CUL5: variants seen among roughly 807,000 people sequenced by gnomAD.
The protein encoded by CUL5 is cullin-5.
In CUL5, 26 loss-of-function variants were observed where a neutral mutation model predicts 108.8. The observed-to-expected ratio is 0.24, with a 90% CI of 0.18 to 0.33. CUL5 has a LOEUF of 0.33. Ranked by LOEUF, CUL5 falls within the 10% of genes least tolerant of loss-of-function variation. The pLI, the probability that CUL5 is intolerant of heterozygous loss-of-function variation, is 1.00. For synonymous variants in CUL5, 334 were observed against 298.0 expected (o/e 1.12, Z -1.25); for missense variants, 524 against 909.2 (o/e 0.58, Z 5.45).
In CUL5 at chr11:108,107,613, A is replaced by T. The variant is rs970896175; in HGVS notation, c.*3229A>T. On this transcript the variant is annotated 3_prime_UTR_variant, in exon 19 of 19. Coordinates refer to ENST00000393094, the MANE Select transcript of CUL5 (RefSeq NM_003478.6). ...TACGATTTTGAATGTGTGCCACTACATACTGAGATGATAATGCTGTACAAT... is the reference window on the plus strand; with the variant it reads ...TACGATTTTGAATGTGTGCCACTACTTACTGAGATGATAATGCTGTACAAT... 6.5e-6 allele frequency: 1 copy of T among 152,672 alleles called. No homozygotes were observed. Among genetic ancestry groups the T allele is most frequent in the Non-Finnish European group, 1.5e-5 (1 of 68,038 alleles). The allele number at this position is 152,672 out of a possible 1,614,324, so 9.5% of individuals were successfully genotyped here. A position where few individuals can be genotyped will look rare whatever the true frequency, so the allele number is the denominator to read the frequency against.
chr11:108,049,779 G>A lies in CUL5; in HGVS notation c.235-111G>A, dbSNP rs1309984633. 1.5e-5 allele frequency: 12 copies of A among 812,488 alleles called. No homozygotes were observed. In the Admixed American group the frequency reaches 2.7e-4, roughly 18 times the overall value. 50.3% of individuals were successfully genotyped at this position (812,488 alleles called of 1,614,324 possible). A position where few individuals can be genotyped will look rare whatever the true frequency, so the allele number is the denominator to read the frequency against. ...GTTTTAATTTCTTTTGGATATAAGA[G>A]CTTGTACAATAATTTAAAAATTATG... On this transcript the variant is annotated intron_variant, in intron 3 of 18. Coordinates refer to ENST00000393094, the MANE Select transcript of CUL5 (RefSeq NM_003478.6).
At chr11:108,015,412 A>C (rs78051861) in intron 1 of CUL5, among the ~76,000 whole-genome samples, 1 of 152,372 alleles carries the variant, frequency 6.6e-6, no homozygotes, top group African/African-American at 2.4e-5. Flanking sequence ...GTTAAGGTGC[A>C]TAACCAGAGA....
At chr11:108,050,357 T>C (rs1863182152) in intron 4 of CUL5, among the ~76,000 whole-genome samples, 1 of 152,006 alleles carries the variant, frequency 6.6e-6, no homozygotes, top group African/African-American at 2.4e-5. Context: ...ATTTCTCTAT[T>C]CTTTCTTTGT....
intron 5 of CUL5, among the ~76,000 whole-genome samples, chr11:108,053,363 A>C (rs1863285216): frequency 6.6e-6 from 1 of 152,210 alleles, no homozygotes; most frequent in Non-Finnish European, 1.5e-5. Context: ...TGAACATAGA[A>C]TGCATGGCAC....
In CUL5 at chr11:108,054,972, T is replaced by C. The variant is rs1359431923; in HGVS notation, c.780+17T>C. 2 of 1,525,268 alleles carry C rather than the reference T, an allele frequency of 1.3e-6. No individual in the cohort carries two copies. Among genetic ancestry groups the C allele is most frequent in the East Asian group, 2.3e-5 (1 of 44,136 alleles). 94.5% of individuals were successfully genotyped at this position (1,525,268 alleles called of 1,614,324 possible). ...GTTGAAGCAGTAAGTAATTTTGTAA[T>C]TGTACATTTTATGGGATTATTTGAA... On this transcript the variant is annotated intron_variant, in intron 7 of 18. Transcript: ENST00000393094.
intron 11 of CUL5, among the ~76,000 whole-genome samples, chr11:108,082,395 C>T (rs1446782119): frequency 6.6e-6 from 1 of 151,926 alleles, no homozygotes; most frequent in South Asian, 2.1e-4. Flanking sequence ...ATCCTCCCAC[C>T]TCAGCCACCT....
At position 108,047,571 on chromosome 11, in the gene CUL5, A is replaced by G. The variant is rs538677371; in HGVS notation, c.234+1202A>G. Among the ~76,000 whole-genome samples the G allele has an allele frequency of 9.8e-5, 15 of 152,352 alleles. 1 individual carries two copies. Among genetic ancestry groups the G allele is most frequent in the Admixed American group, 9.1e-4 (14 of 15,304 alleles). ...TTTAATTTTGCTAGTAGCCACTACC[A>G]TGATGGAGTAAGACTAATCTATTGG... On this transcript the variant is annotated intron_variant, in intron 3 of 18. Transcript: ENST00000393094.
chr11:108,093,471 T>A (rs1244977047), intron 13 of CUL5, among the ~76,000 whole-genome samples: 2 of 152,248 alleles, frequency 1.3e-5, no homozygotes, highest in Non-Finnish European at 2.9e-5. Flanking sequence ...CACAGTCAGC[T>A]TTCTTCTATA....
chr11:108,062,769 TTAAA>T (rs1159705630), intron 7 of CUL5, among the ~76,000 whole-genome samples: 1 of 152,110 alleles, frequency 6.6e-6, no homozygotes, highest in Non-Finnish European at 1.5e-5. Flanking sequence ...AAACATAAAA[TTAAA>T]TTATTTTTTA....
chr11:108,048,648 C>T (rs960814599), intron 3 of CUL5, among the ~76,000 whole-genome samples: 1 of 116,870 alleles, frequency 8.6e-6, no homozygotes, highest in African/African-American at 3.9e-5. Flanking sequence ...ACTCCACCAC[C>T]TTTTTTTTTT....
At chr11:108,095,859 G>A (rs1023577733) in intron 16 of CUL5, among the ~76,000 whole-genome samples, 168 bp downstream of exon 16, 2 of 152,056 alleles carry the variant, frequency 1.3e-5, no homozygotes, top group East Asian at 3.8e-4. Flanking sequence ...ACTTTGGAAG[G>A]CCGAGGTGGG....
intron 18 of CUL5, among the ~76,000 whole-genome samples, chr11:108,100,500 C>T (rs771876287): frequency 1.6e-4 from 25 of 151,976 alleles, no homozygotes; most frequent in African/African-American, 3.6e-4. Context: ...GCCTAGATTG[C>T]GCCACTGCAC....
At chr11:108,081,280 T>G (rs1437151559) in intron 11 of CUL5, among the ~76,000 whole-genome samples, 1 of 152,176 alleles carries the variant, frequency 6.6e-6, no homozygotes, top group Non-Finnish European at 1.5e-5. Flanking sequence ...AGAGTGAGAC[T>G]TCGTCTCAAC....
At chr11:108,021,937 C>G (rs1252225248) in intron 1 of CUL5, among the ~76,000 whole-genome samples, 12 of 152,208 alleles carry the variant, frequency 7.9e-5, no homozygotes, top group Non-Finnish European at 1.3e-4. Context: ...GCCTCAGCCT[C>G]TGGAGTAGCT....
chr11:108,009,963 C>T (rs558398247), intron 1 of CUL5, among the ~76,000 whole-genome samples: 2 of 152,310 alleles, frequency 1.3e-5, no homozygotes, highest in African/African-American at 2.4e-5. Flanking sequence ...TTCTAACCCC[C>T]ACCCAGTTAC....
intron 1 of CUL5, among the ~76,000 whole-genome samples, chr11:108,031,927 C>G: frequency 6.6e-6 from 1 of 152,066 alleles, no homozygotes; most frequent in East Asian, 1.9e-4. Context: ...GAACAGAAAA[C>G]CAAATATTGC....
intron 5 of CUL5, 53 bp downstream of exon 5, chr11:108,052,854 C>A: frequency 6.6e-7 from 1 of 1,509,770 alleles, no homozygotes; most frequent in Non-Finnish European, 9.0e-7. Flanking sequence ...AATTGTAGAA[C>A]AATTATGGAA....
intron 7 of CUL5, among the ~76,000 whole-genome samples, chr11:108,069,107 A>C (rs189591329): frequency 6.6e-6 from 1 of 152,142 alleles, no homozygotes. Flanking sequence ...AGTTTAAAAA[A>C]TTAACCAGAC....
chr11:108,065,121 G>T (rs1157932164), intron 7 of CUL5, among the ~76,000 whole-genome samples: 9 of 152,026 alleles, frequency 5.9e-5, no homozygotes, highest in Non-Finnish European at 1.3e-4. Context: ...CGCCTCCTGG[G>T]TTCACACCAT....
Sources: allele counts gnomAD v4.1 joint callset (sites outside exome capture counted in the v4.1 genomes callset), GRCh38; gene constraint gnomAD v4.1.1; transcripts MANE v1.5; gene names NCBI Gene and HGNC (gene_info 2026-07-23, HGNC 2026-07-21).